Variants in ARHGAP15 observed in about 807,000 individuals in gnomAD.
The protein encoded by ARHGAP15 is Rho GTPase activating protein 15.
A neutral mutation model predicts 63.7 loss-of-function variants in ARHGAP15; 51 were observed. That is an observed-to-expected ratio of 0.80 (90% CI 0.64 to 1.01). ARHGAP15 has a LOEUF of 1.01. ARHGAP15 is among the 50% of genes least tolerant of loss of function. The pLI is 0.00. For synonymous variants in ARHGAP15, 191 were observed against 193.8 expected (o/e 0.99, Z 0.12); for missense variants, 560 against 564.6 (o/e 0.99, Z 0.08).
At chr2:143,232,305 A>G (rs1019408654) in intron 5 of ARHGAP15, among the ~76,000 whole-genome samples, 2 of 152,064 alleles carry the variant, frequency 1.3e-5, no homozygotes, top group Non-Finnish European at 2.9e-5. Context: ...AATAAAAGAC[A>G]CCCTTTACCA....
Position 143,348,287 on chromosome 2 carries a change from C to A in ARHGAP15, c.475-87314C>A, listed in dbSNP as rs983150021. ...TTTTATGCCTCATAGTTAATTCATG[C>A]AGAGTAAGTTATGTAAATTCTGACA... On this transcript the variant is annotated intron_variant, in intron 6 of 13. Coordinates refer to ENST00000295095, the MANE Select transcript of ARHGAP15 (RefSeq NM_018460.4). Among the ~76,000 whole-genome samples the A allele has an allele frequency of 5.3e-5, 8 of 152,222 alleles. No homozygotes were observed. In the East Asian group the frequency reaches 1.5e-3, roughly 29 times the overall value.
chr2:143,398,521 G>A (rs573105817), intron 6 of ARHGAP15, among the ~76,000 whole-genome samples: 10 of 152,056 alleles, frequency 6.6e-5, no homozygotes, highest in Admixed American at 2.0e-4. Flanking sequence ...GAATGTAAAC[G>A]ACCAACTCTG....
intron 11 of ARHGAP15, among the ~76,000 whole-genome samples, chr2:143,616,259 A>G (rs911647303): frequency 3.9e-5 from 6 of 152,216 alleles, no homozygotes; most frequent in Non-Finnish European, 8.8e-5. Context: ...CATGTGTTAT[A>G]CTTTCCATCT....
intron 6 of ARHGAP15, among the ~76,000 whole-genome samples, chr2:143,314,752 A>T (rs1050080275): frequency 6.6e-6 from 1 of 151,842 alleles, no homozygotes; most frequent in Non-Finnish European, 1.5e-5. Context: ...TTAATACTGA[A>T]AGGATAATGA....
chr2:143,754,922 A>G (rs752979515), intron 13 of ARHGAP15, among the ~76,000 whole-genome samples: 2 of 152,192 alleles, frequency 1.3e-5, no homozygotes, highest in Non-Finnish European at 2.9e-5. Flanking sequence ...GCCTTGCAAA[A>G]ATTAAAAGGA....
chr2:143,206,667 CTTAT>C (rs749387541), intron 3 of ARHGAP15, among the ~76,000 whole-genome samples: 1 of 152,020 alleles, frequency 6.6e-6, no homozygotes, highest in Non-Finnish European at 1.5e-5. Flanking sequence ...AGGACTATGT[CTTAT>C]TTATTGTTTT....
At position 143,174,025 on chromosome 2, in the gene ARHGAP15, C is replaced by T. The variant is rs139204417; in HGVS notation, c.165+18370C>T. ...CTCTTATTGAACGATGTGATTGTGG[C>T]GACTGTACTGGTGCCCACTTTGAGT... On this transcript the variant is annotated intron_variant, in intron 2 of 13. Transcript: ENST00000295095. 9.9e-4 allele frequency among the ~76,000 whole-genome samples: 150 copies of T among 152,128 alleles called. 1 individual carries two copies. The highest frequency in any genetic ancestry group is 3.4e-3 in the African/African-American group (142 of 41,518).
intron 6 of ARHGAP15, among the ~76,000 whole-genome samples, chr2:143,410,660 G>A (rs756755920): frequency 1.3e-5 from 2 of 151,294 alleles, no homozygotes; most frequent in Non-Finnish European, 2.9e-5. Context: ...TAATGAGACT[G>A]GAAATGGGCA....
At chr2:143,156,357 T>C (rs756765600) in intron 2 of ARHGAP15, among the ~76,000 whole-genome samples, 1 of 151,858 alleles carries the variant, frequency 6.6e-6, no homozygotes, top group Non-Finnish European at 1.5e-5. Flanking sequence ...GCTGAGGCCA[T>C]AGGATGTTAC....
intron 3 of ARHGAP15, among the ~76,000 whole-genome samples, chr2:143,210,221 A>C (rs998637524): frequency 3.9e-5 from 6 of 152,056 alleles, no homozygotes; most frequent in Non-Finnish European, 8.8e-5. Flanking sequence ...TGCATGAGGG[A>C]GGGAGAGGTG....
chr2:143,155,044 A>C (rs1357854340), intron 1 of ARHGAP15, among the ~76,000 whole-genome samples: 1 of 151,844 alleles, frequency 6.6e-6, no homozygotes, highest in Non-Finnish European at 1.5e-5. Flanking sequence ...GTCTTTATTC[A>C]TAGAGATTTT....
intron 12 of ARHGAP15, among the ~76,000 whole-genome samples, chr2:143,701,006 C>G (rs573548024): frequency 6.6e-6 from 1 of 151,918 alleles, no homozygotes; most frequent in Non-Finnish European, 1.5e-5. Context: ...TTCTCTTTCT[C>G]GCTCCCCTTT....
At chr2:143,673,579 T>C (rs1574819710) in intron 12 of ARHGAP15, among the ~76,000 whole-genome samples, 1 of 151,226 alleles carries the variant, frequency 6.6e-6, no homozygotes, top group Admixed American at 6.6e-5. Flanking sequence ...ATTACAGGTG[T>C]GAGCCACCAC....
chr2:143,710,724 G>A (rs1249993707), intron 13 of ARHGAP15, among the ~76,000 whole-genome samples: 1 of 152,052 alleles, frequency 6.6e-6, no homozygotes, highest in African/African-American at 2.4e-5. Context: ...AAATTTTTAA[G>A]TTGCCCCACC....
At chr2:143,642,536 AGAG>A (rs1438730739) in intron 12 of ARHGAP15, among the ~76,000 whole-genome samples, 2 of 152,148 alleles carry the variant, frequency 1.3e-5, no homozygotes, top group African/African-American at 4.8e-5. Context: ...AAGCCAAATA[AGAG>A]GAGAGCAGCT....
chr2:143,372,563 A>G (rs1380747458), intron 6 of ARHGAP15, among the ~76,000 whole-genome samples: 4 of 152,150 alleles, frequency 2.6e-5, no homozygotes, highest in Non-Finnish European at 4.4e-5. Context: ...TTCATATTGT[A>G]TATTCCAAAG....
intron 6 of ARHGAP15, among the ~76,000 whole-genome samples, chr2:143,358,531 G>GT (rs1473089095): frequency 6.7e-6 from 1 of 148,858 alleles, no homozygotes; most frequent in African/African-American, 2.5e-5. Flanking sequence ...AATATGTAAA[G>GT]TAAAAAAAAA....
At position 143,518,616 on chromosome 2, in the gene ARHGAP15, A is replaced by G. The variant is rs189921051; in HGVS notation, c.827-650A>G. On this transcript the variant is annotated intron_variant, in intron 9 of 13. Transcript: ENST00000295095. ...GCAGGCCCTTTTTCCTGAATCATCT[A>G]TTAACAGCCTGAGGGTCTGGTATTC... 7.2e-5 allele frequency among the ~76,000 whole-genome samples: 11 copies of G among 152,312 alleles called. No homozygotes were observed. The East Asian group carries it at 1.2e-3, about 16-fold the overall frequency.
rs146477928 is a variant in ARHGAP15 at position 143,172,082 on chromosome 2, A to G, written c.165+16427A>G. The G allele has an allele frequency of 6.6e-5, 10 of 152,234 alleles. No homozygotes were observed. The East Asian group carries it at 1.9e-3, about 29-fold the overall frequency. The allele number at this position is 152,234 out of a possible 1,614,324, so 9.4% of individuals were successfully genotyped here. On this transcript the variant is annotated intron_variant, in intron 2 of 13. Transcript: ENST00000295095. ...AAGACAAGCATTAAGGGAAGAAGGCATGTGCAAGATGAACCTGCTCTCTTT... is the reference window on the plus strand; with the variant it reads ...AAGACAAGCATTAAGGGAAGAAGGCGTGTGCAAGATGAACCTGCTCTCTTT...
Sources: allele counts gnomAD v4.1 joint callset (sites outside exome capture counted in the v4.1 genomes callset), GRCh38; gene constraint gnomAD v4.1.1; transcripts MANE v1.5; gene names NCBI Gene and HGNC (gene_info 2026-07-23, HGNC 2026-07-21).